CA13: variants seen among roughly 807,000 people sequenced by gnomAD.
The protein encoded by CA13 is CA-XIII.
Under a neutral mutation model 31.5 loss-of-function variants are expected in CA13, and 21 were observed. The observed-to-expected ratio is 0.67, with a 90% confidence interval of 0.47 to 0.96. CA13 has a LOEUF of 0.96. CA13 is among the 40% of genes least tolerant of loss of function. The pLI, the probability that CA13 is intolerant of heterozygous loss-of-function variation, is 0.00. For synonymous variants in CA13, 117 were observed against 111.4 expected (o/e 1.05, Z -0.32); for missense variants, 315 against 318.9 (o/e 0.99, Z 0.09).
intron 4 of CA13, among the ~76,000 whole-genome samples, 156 bp downstream of exon 4, chr8:85,266,859 T>C (rs1807464844): frequency 6.6e-6 from 1 of 152,246 alleles, no homozygotes; most frequent in Non-Finnish European, 1.5e-5. Context: ...TATATTCATT[T>C]AGGAGCATTG....
intron 4 of CA13, among the ~76,000 whole-genome samples, chr8:85,267,050 A>G (rs1386070582): frequency 3.9e-5 from 6 of 152,222 alleles, no homozygotes; most frequent in African/African-American, 1.2e-4. Context: ...TTCTTGAAAC[A>G]CTGGTCTCAC....
In CA13 at chr8:85,281,689, T is replaced by TC. The variant is rs1335136149; in HGVS notation, c.*340_*341insC. ...AAGCATGCCTGGCTAATTTTTAAAT[T>TC]TTTTTTTTTTAAGAAATAGGGTCTT... On this transcript the variant is annotated 3_prime_UTR_variant, in exon 7 of 7. Transcript: ENST00000321764. The TC allele has an allele frequency of 1.1e-5, 2 of 187,384 alleles. No homozygotes were observed. Among genetic ancestry groups the TC allele is most frequent in the East Asian group, 3.4e-4 (2 of 5,882 alleles). 11.6% of individuals were successfully genotyped at this position (187,384 alleles called of 1,614,324 possible). A position where few individuals can be genotyped will look rare whatever the true frequency, so the allele number is the denominator to read the frequency against.
At chr8:85,254,271 C>A (rs1454630355) in intron 2 of CA13, among the ~76,000 whole-genome samples, 1 of 99,168 alleles carries the variant, frequency 1.0e-5, no homozygotes, top group Non-Finnish European at 2.3e-5. Context: ...GAGCAAGATT[C>A]CATCTCAAAA....
intron 2 of CA13, among the ~76,000 whole-genome samples, chr8:85,255,845 C>T (rs1197124716): frequency 1.3e-5 from 2 of 152,344 alleles, no homozygotes; most frequent in East Asian, 3.9e-4. Flanking sequence ...ACCACCCTTG[C>T]TGTGGCTCCC....
chr8:85,256,158 T>G (rs17740827), intron 2 of CA13, among the ~76,000 whole-genome samples: 1,881 of 152,326 alleles, frequency 0.012, 19 homozygotes, highest in Middle Eastern at 0.045. Context: ...TCAATTAATA[T>G]TTGCCGTTTA....
chr8:85,250,771 T>G lies in CA13; in HGVS notation c.69T>G (p.Ile23Met), dbSNP rs748979001. Residue 23 changes from isoleucine (I) to methionine (M), a missense_variant, in exon 2 of 7, where the codon ATT becomes ATG. By Grantham distance (10) the Ile-to-Met change is conservative. Coordinates refer to ENST00000321764, the MANE Select transcript of CA13 (RefSeq NM_198584.3). ...GPIHWKEFFPIADGDQQSPIE... is the reference protein window; with the variant it reads ...GPIHWKEFFPMADGDQQSPIE... ...TTCACTGGAAGGAATTTTTCCCTAT[T>G]GCTGATGGTGATCAGCAATCTCCAA... 3.1e-6 allele frequency: 5 copies of G among 1,613,686 alleles called. No individual in the cohort carries two copies. Among genetic ancestry groups the G allele is most frequent in the Non-Finnish European group, 4.2e-6 (5 of 1,179,722 alleles).
At chr8:85,260,791 G>A (rs2129971492) in intron 3 of CA13, among the ~76,000 whole-genome samples, 1 of 152,300 alleles carries the variant, frequency 6.6e-6, no homozygotes, top group African/African-American at 2.4e-5. Context: ...AAAGTTTTAT[G>A]TTCTGAATAT....
chr8:85,263,139 C>T (rs1807407437), intron 3 of CA13, among the ~76,000 whole-genome samples: 1 of 152,066 alleles, frequency 6.6e-6, no homozygotes, highest in African/African-American at 2.4e-5. Flanking sequence ...CTCAAGTTCT[C>T]TAAGGCAGGA....
At chr8:85,266,303 G>T (rs1240964821) in intron 3 of CA13, among the ~76,000 whole-genome samples, 1 of 152,156 alleles carries the variant, frequency 6.6e-6, no homozygotes, top group Non-Finnish European at 1.5e-5. Context: ...TGATTCTCCT[G>T]CCTCAGCCTC....
chr8:85,281,500 ATC>A lies in CA13; in HGVS notation c.*161_*162del. The A allele has an allele frequency of 2.9e-6, 4 of 1,378,080 alleles. No homozygotes were observed. The highest frequency in any genetic ancestry group is 3.8e-6 in the Non-Finnish European group (4 of 1,059,394). 85.4% of individuals were successfully genotyped at this position (1,378,080 alleles called of 1,614,324 possible). Reference sequence around the variant, plus strand: ...GCTTCAGTGTCACAAAGAAAACCAGATCTCTCTCTCTTTTTTTTTTATTTTTT... The same window carrying A: ...GCTTCAGTGTCACAAAGAAAACCAGATCTCTCTCTTTTTTTTTTATTTTTT... On this transcript the variant is annotated 3_prime_UTR_variant, in exon 7 of 7. Transcript: ENST00000321764.
chr8:85,267,432 G>A (rs1807473449), intron 4 of CA13: 1 of 395,074 alleles, frequency 2.5e-6, no homozygotes, highest in Non-Finnish European at 3.4e-6. Context: ...GTTTGCTTAT[G>A]ATGATATATT....
At position 85,245,840 on chromosome 8, in the gene CA13, C is replaced by T. The variant is rs200910539; in HGVS notation, c.12C>T (p.Leu4=). The change falls in exon 1 of 7, where the codon CTC becomes CTT. Residue 4 remains leucine (L), a synonymous_variant. Coordinates refer to ENST00000321764, the MANE Select transcript of CA13 (RefSeq NM_198584.3). MSR[L]SWGYREHNGP... is the part of the protein sequence containing the mutation. ...CACCCCGAGGGACCATGTCGAGGCT[C>T]AGCTGGGGATACCGCGAGCACAACG... 4 of 1,614,190 alleles carry T rather than the reference C, an allele frequency of 2.5e-6. No homozygotes were observed. Among genetic ancestry groups the T allele is most frequent in the South Asian group, 2.2e-5 (2 of 91,084 alleles).
intron 2 of CA13, among the ~76,000 whole-genome samples, chr8:85,252,068 G>A (rs1318278033): frequency 6.6e-6 from 1 of 151,990 alleles, no homozygotes; most frequent in African/African-American, 2.4e-5. Context: ...GACCAGCTTG[G>A]GCAACATAGT....
At chr8:85,276,338 C>A (rs1348240791) in intron 6 of CA13, among the ~76,000 whole-genome samples, 1 of 152,194 alleles carries the variant, frequency 6.6e-6, no homozygotes, top group Admixed American at 6.5e-5. Flanking sequence ...GCGGCCCGAG[C>A]TTCCCCAAAC....
At chr8:85,270,463 C>T (rs970729611) in intron 6 of CA13, among the ~76,000 whole-genome samples, 1 of 152,212 alleles carries the variant, frequency 6.6e-6, no homozygotes, top group Non-Finnish European at 1.5e-5. Flanking sequence ...GCTTGACTGA[C>T]ATGAAAACTC....
At chr8:85,277,356 CA>C (rs1371366690) in intron 6 of CA13, among the ~76,000 whole-genome samples, 1 of 152,084 alleles carries the variant, frequency 6.6e-6, no homozygotes, top group African/African-American at 2.4e-5. Flanking sequence ...AGAGCTGTAA[CA>C]CTCACCGGGA....
chr8:85,251,143 A>G (rs1165872543), intron 2 of CA13, among the ~76,000 whole-genome samples: 2 of 151,998 alleles, frequency 1.3e-5, no homozygotes, highest in Non-Finnish European at 2.9e-5. Context: ...CTGGGATTAC[A>G]GGCGCACGCC....
chr8:85,267,137 C>T (rs1807469818), intron 4 of CA13: 2 of 515,646 alleles, frequency 3.9e-6, no homozygotes, highest in African/African-American at 2.1e-5. Flanking sequence ...CTAACGTTCA[C>T]ATGTGGTTAG....
At position 85,272,105 on chromosome 8, in the gene CA13, A is replaced by C. The variant is rs1331326129; in HGVS notation, c.669+3478A>C. Among the ~76,000 whole-genome samples the C allele has an allele frequency of 3.3e-5, 5 of 152,008 alleles. No individual in the cohort carries two copies. In the East Asian group the frequency reaches 9.6e-4, roughly 29 times the overall value. Reference sequence around the variant, plus strand: ...TAAAAGATAGAGATCTCAGCCAAAAATTTTCTGGTGCTCTTTTGCAGTCCT... The same window carrying C: ...TAAAAGATAGAGATCTCAGCCAAAACTTTTCTGGTGCTCTTTTGCAGTCCT... On this transcript the variant is annotated intron_variant, in intron 6 of 6. Coordinates refer to ENST00000321764, the MANE Select transcript of CA13 (RefSeq NM_198584.3).
Sources: allele counts gnomAD v4.1 joint callset (sites outside exome capture counted in the v4.1 genomes callset), GRCh38; gene constraint gnomAD v4.1.1; transcripts MANE v1.5; gene names NCBI Gene and HGNC (gene_info 2026-07-23, HGNC 2026-07-21).